The following PCDHA12 variants were observed in gnomAD, a reference collection of about 807,000 sequenced individuals.
PCDHA12 encodes protocadherin alpha 12, also known as protocadherin alpha-12.
Under a neutral mutation model 60.0 loss-of-function variants are expected in PCDHA12, and 44 were observed. The ratio of observed to expected loss-of-function variants is 0.73; its 90% CI spans 0.58 to 0.94. The LOEUF is 0.94. Ranked by LOEUF, PCDHA12 falls within the 40% of genes least tolerant of loss-of-function variation. The pLI, the probability that PCDHA12 is intolerant of heterozygous loss-of-function variation, is 0.00. For missense variants in PCDHA12, 1,276 were observed against 1,239.7 expected (o/e 1.03, Z -0.44); for synonymous variants, 569 against 553.0 (o/e 1.03, Z -0.40).
chr5:140,907,883 G>GTGAA (rs2073669227), intron 1 of PCDHA12, among the ~76,000 whole-genome samples: 1 of 152,110 alleles, frequency 6.6e-6, no homozygotes, highest in Non-Finnish European at 1.5e-5. Flanking sequence ...CACTCACATG[G>GTGAA]GATACAAATA....
chr5:140,977,032 A>G (rs1488885995), intron 1 of PCDHA12, among the ~76,000 whole-genome samples: 3 of 152,212 alleles, frequency 2.0e-5, no homozygotes, highest in African/African-American at 7.2e-5. Flanking sequence ...TGAATCTAAG[A>G]AGGATGTTGT....
intron 1 of PCDHA12, among the ~76,000 whole-genome samples, chr5:140,972,660 A>ATT (rs11350929): frequency 4.2e-4 from 49 of 117,232 alleles, no homozygotes; most frequent in Non-Finnish European, 5.7e-4. Context: ...AAGAAACCAA[A>ATT]TTTTTTTTTT....
intron 1 of PCDHA12, among the ~76,000 whole-genome samples, chr5:140,914,439 T>G (rs1352001626): frequency 6.6e-6 from 1 of 152,192 alleles, no homozygotes; most frequent in Admixed American, 6.6e-5. Flanking sequence ...TCTTTTCCCA[T>G]GTCTTTATTT....
At chr5:140,975,206 T>G (rs2096657939) in intron 1 of PCDHA12, among the ~76,000 whole-genome samples, 1 of 152,232 alleles carries the variant, frequency 6.6e-6, no homozygotes, top group African/African-American at 2.4e-5. Context: ...TCTTCATGGC[T>G]GGCACTGGAG....
At chr5:140,986,085 TCA>T (rs1395722991) in intron 3 of PCDHA12, among the ~76,000 whole-genome samples, 1 of 152,182 alleles carries the variant, frequency 6.6e-6, no homozygotes, top group Non-Finnish European at 1.5e-5. Context: ...TCATTTATTT[TCA>T]CAGTCTGCAA....
chr5:140,956,904 G>A lies in PCDHA12; in HGVS notation c.2368-22045G>A, dbSNP rs182022057. ...TATCAATGAATGAATATTCTTAAAT[G>A]TATAAACTTTAATCTTGCTGGATAT... On this transcript the variant is annotated intron_variant, in intron 1 of 3. Transcript: ENST00000398631. Among the ~76,000 whole-genome samples, 178 of 152,232 alleles carry A rather than the reference G, an allele frequency of 1.2e-3. 1 individual carries two copies. Among genetic ancestry groups the A allele is most frequent in the African/African-American group, 3.9e-3 (163 of 41,538 alleles).
At chr5:140,953,948 C>A (rs1012464637) in intron 1 of PCDHA12, among the ~76,000 whole-genome samples, 2 of 152,092 alleles carry the variant, frequency 1.3e-5, no homozygotes, top group Non-Finnish European at 2.9e-5. Context: ...CATTGCTCCC[C>A]CAACAGGCCC....
chr5:140,889,032 AT>A (rs1357652460), intron 1 of PCDHA12, among the ~76,000 whole-genome samples: 12 of 152,198 alleles, frequency 7.9e-5, no homozygotes, highest in South Asian at 6.2e-4. Context: ...GATAACCGTA[AT>A]TTGATTATAA....
chr5:140,884,319 C>T lies in PCDHA12; in HGVS notation c.2367+6480C>T. ...CCACAGGCTTCGTCGAGGGCGTCGG[C>T]AGGCGCTGTGGGTCCAGAAGCGGCG... On this transcript the variant is annotated intron_variant, in intron 1 of 3. Transcript: ENST00000398631. 6.2e-7 allele frequency: 1 copy of T among 1,613,800 alleles called. No homozygotes were observed. The highest frequency in any genetic ancestry group is 8.5e-7 in the Non-Finnish European group (1 of 1,179,860).
intron 1 of PCDHA12, among the ~76,000 whole-genome samples, chr5:140,937,096 G>A (rs1173485186): frequency 6.8e-6 from 1 of 146,810 alleles, no homozygotes; most frequent in Non-Finnish European, 1.5e-5. Context: ...GGAGTGCAGT[G>A]GCGCAGTCTC....
rs1554181482 is a variant in PCDHA12, at chr5:140,884,371, C to G, written c.2367+6532C>G. The stretch of plus-strand genomic sequence containing the variant: ...TGGTGGATGTCAATGTTTACTTGAT[C>G]ATTGCCATCTGCGCGGTGTCCAGCC... On this transcript the variant is annotated intron_variant, in intron 1 of 3. Coordinates refer to ENST00000398631, the MANE Select transcript of PCDHA12 (RefSeq NM_018903.4). 2 of 1,613,948 alleles carry G rather than the reference C, an allele frequency of 1.2e-6. No homozygotes were observed. Among genetic ancestry groups the G allele is most frequent in the African/African-American group, 2.7e-5 (2 of 75,052 alleles).
At chr5:140,968,715 A>T (rs2096265469) in intron 1 of PCDHA12, 1 of 1,614,014 alleles carries the variant, frequency 6.2e-7, no homozygotes, top group South Asian at 1.1e-5. Flanking sequence ...AAGATGGGAG[A>T]TGAGAGTGGT....
At chr5:140,930,143 T>C (rs1375967730) in intron 1 of PCDHA12, 4 of 152,204 alleles carry the variant, frequency 2.6e-5, no homozygotes, top group Non-Finnish European at 5.9e-5. Context: ...ACCTTTTGTT[T>C]TGTGTTTCTA....
intron 1 of PCDHA12, among the ~76,000 whole-genome samples, chr5:140,916,329 T>C (rs1554197398): frequency 6.6e-6 from 1 of 152,178 alleles, no homozygotes; most frequent in African/African-American, 2.4e-5. Context: ...TCCCCTTTAC[T>C]TTTTCCTCTG....
chr5:141,002,135 G>A (rs1265359430), intron 3 of PCDHA12, among the ~76,000 whole-genome samples: 1 of 152,236 alleles, frequency 6.6e-6, no homozygotes, highest in African/African-American at 2.4e-5. Flanking sequence ...AGCCTTTGCC[G>A]GCTGCACTGA....
chr5:140,904,742 T>G (rs1300439121), intron 1 of PCDHA12, among the ~76,000 whole-genome samples: 1 of 152,216 alleles, frequency 6.6e-6, no homozygotes, highest in African/African-American at 2.4e-5. Context: ...TTTTTTATTA[T>G]GACCATTTTT....
chr5:140,877,168 C>T lies in PCDHA12; in HGVS notation c.1696C>T (p.Leu566=), dbSNP rs199567490. The T allele has an allele frequency of 1.0e-4, 161 of 1,613,836 alleles. No homozygotes were observed. In the African/African-American group the frequency reaches 2.0e-3, roughly 20 times the overall value. Residue 566 remains leucine, a synonymous_variant, in exon 1 of 4, where the codon CTG becomes TTG. Coordinates refer to ENST00000398631, the MANE Select transcript of PCDHA12 (RefSeq NM_018903.4). ...CGAGAACGACAACGCGCCGGCACTG[C>T]TGGCGACTCCGGCTGGCAGCGCAGG... The part of the protein sequence containing the change: ...LDENDNAPAL[L]ATPAGSAGGA...
intron 1 of PCDHA12, among the ~76,000 whole-genome samples, chr5:140,900,556 C>T (rs757442954): frequency 4.6e-5 from 7 of 152,168 alleles, no homozygotes; most frequent in Non-Finnish European, 5.9e-5. Flanking sequence ...GGATTACAGG[C>T]GTGAGCCACG....
intron 1 of PCDHA12, among the ~76,000 whole-genome samples, chr5:140,880,402 G>A (rs1014801012): frequency 3.9e-5 from 6 of 152,182 alleles, no homozygotes; most frequent in Non-Finnish European, 8.8e-5. Context: ...AGAGCATATG[G>A]TTGACCTTAA....
Sources: allele counts gnomAD v4.1 joint callset (sites outside exome capture counted in the v4.1 genomes callset), GRCh38; gene constraint gnomAD v4.1.1; transcripts MANE v1.5; gene names NCBI Gene and HGNC (gene_info 2026-07-23, HGNC 2026-07-21).